The following ADGRL3 variants were observed in gnomAD, a reference collection of about 807,000 sequenced individuals.
ADGRL3 encodes the protein adhesion G protein-coupled receptor L3, also known as calcium-independent alpha-latrotoxin receptor 3.
In ADGRL3, 62 loss-of-function variants were observed where a neutral mutation model predicts 153.5. The observed-to-expected ratio is 0.40, with a 90% CI of 0.33 to 0.50. The LOEUF is 0.50. ADGRL3 is among the 20% of genes least tolerant of loss of function. The pLI, the probability that ADGRL3 is intolerant of heterozygous loss-of-function variation, is 0.47. For synonymous variants in ADGRL3, 710 were observed against 672.5 expected, an observed-to-expected ratio of 1.06 and a Z score of -0.86; for missense variants, 1,641 against 1,859.4, an observed-to-expected ratio of 0.88 and a Z score of 2.16.
intron 1 of ADGRL3, among the ~76,000 whole-genome samples, chr4:61,210,871 C>T (rs1475470172): frequency 6.6e-6 from 1 of 151,936 alleles, no homozygotes; most frequent in African/African-American, 2.4e-5. Flanking sequence ...TTTAAATGTT[C>T]GGTTGATGTT....
At chr4:62,026,337 C>A (rs901309390) in intron 21 of ADGRL3, among the ~76,000 whole-genome samples, 12 of 152,026 alleles carry the variant, frequency 7.9e-5, no homozygotes, top group African/African-American at 2.7e-4. Flanking sequence ...AAGAGGAGAC[C>A]AATTCCAATC....
chr4:61,892,467 C>G (rs2098595698), intron 9 of ADGRL3, among the ~76,000 whole-genome samples, 189 bp from the exon 10 acceptor site: 1 of 152,076 alleles, frequency 6.6e-6, no homozygotes, highest in African/African-American at 2.4e-5. Context: ...TTTTGATACT[C>G]AAGTGGCATC....
At chr4:61,449,445 A>ATT (rs987206528) in intron 2 of ADGRL3, among the ~76,000 whole-genome samples, 1 of 147,972 alleles carries the variant, frequency 6.8e-6, no homozygotes, top group East Asian at 2.0e-4. Flanking sequence ...TATTTTTTCC[A>ATT]TTTTTTTTTT....
chr4:62,002,198 A>G (rs144967373), intron 21 of ADGRL3, among the ~76,000 whole-genome samples: 1,520 of 149,760 alleles, frequency 0.01, 34 homozygotes, highest in African/African-American at 0.036. Context: ...TCTTCAAAAG[A>G]GCCCATTACT....
At chr4:61,749,228 G>A (rs1253286754) in intron 8 of ADGRL3, among the ~76,000 whole-genome samples, 1 of 151,944 alleles carries the variant, frequency 6.6e-6, no homozygotes, top group African/African-American at 2.4e-5. Context: ...TGGAGAGGAT[G>A]TGGAGAAATA....
rs551559703 is a variant in ADGRL3, at chr4:61,722,816, T to TCATTTTTCTTA, written c.584-7805_584-7795dup. Among the ~76,000 whole-genome samples, 771 of 152,316 alleles carry TCATTTTTCTTA rather than the reference T, an allele frequency of 5.1e-3. 8 individuals carry two copies. The highest frequency in any genetic ancestry group is 0.014 in the African/African-American group (601 of 41,584). ...GAGCTAATATCTCAATTATCTGGTTTCATTTTTCTTATTTATAAAATATCA... is the reference window on the plus strand; with the variant it reads ...GAGCTAATATCTCAATTATCTGGTTTCATTTTTCTTACATTTTTCTTATTTATAAAATATCA... On this transcript the variant is annotated intron_variant, in intron 6 of 26. Transcript: ENST00000683033.
rs1044738104 is a variant in ADGRL3, at chr4:61,200,441, G to C, written c.-1564G>C. Among the ~76,000 whole-genome samples, 10 of 151,734 alleles carry C rather than the reference G, an allele frequency of 6.6e-5. No homozygotes were observed. Among genetic ancestry groups the C allele is most frequent in the Non-Finnish European group, 1.5e-4 (10 of 67,902 alleles). ...CGTCGCCCCCCTCGCCTGCTGGCCC[G>C]GCACCGCTCGCTCCAGTTCCCAGGA... On this transcript the variant is annotated 5_prime_UTR_variant, in exon 1 of 27. Transcript: ENST00000683033.
chr4:61,826,118 G>A (rs549681647), intron 9 of ADGRL3, among the ~76,000 whole-genome samples: 1 of 141,526 alleles, frequency 7.1e-6, no homozygotes, highest in African/African-American at 2.4e-5. Context: ...TGGGAGATTT[G>A]GACAATAAAA....
At chr4:61,654,087 T>C (rs1004913272) in intron 5 of ADGRL3, among the ~76,000 whole-genome samples, 1 of 152,196 alleles carries the variant, frequency 6.6e-6, no homozygotes, top group Non-Finnish European at 1.5e-5. Context: ...GCAACATACA[T>C]GGGAAAAGTA....
intron 5 of ADGRL3, among the ~76,000 whole-genome samples, chr4:61,609,093 C>T (rs2099043611): frequency 6.6e-6 from 1 of 151,994 alleles, no homozygotes. Flanking sequence ...AACTGTGAAG[C>T]TATTAACTGT....
chr4:61,529,630 G>A (rs1211246819), intron 4 of ADGRL3, among the ~76,000 whole-genome samples: 1 of 152,032 alleles, frequency 6.6e-6, no homozygotes, highest in African/African-American at 2.4e-5. Context: ...TGCTAAATTT[G>A]AAATTATTTG....
intron 15 of ADGRL3, among the ~76,000 whole-genome samples, chr4:61,945,917 C>T (rs935142967): frequency 6.6e-6 from 1 of 152,196 alleles, no homozygotes; most frequent in Non-Finnish European, 1.5e-5. Context: ...ACGCTGGGAG[C>T]TGTAGACTGG....
intron 7 of ADGRL3, 72 bp from the exon 8 acceptor site, chr4:61,732,682 T>C: frequency 1.2e-6 from 1 of 815,402 alleles, no homozygotes; most frequent in Non-Finnish European, 1.7e-6. Flanking sequence ...TTCCATTTGG[T>C]GAAAAATAAG....
chr4:61,403,977 C>T (rs1477784161), intron 2 of ADGRL3, among the ~76,000 whole-genome samples: 2 of 151,962 alleles, frequency 1.3e-5, no homozygotes, highest in Non-Finnish European at 2.9e-5. Context: ...TTAATTGCTT[C>T]CTTAGAGGCT....
chr4:61,945,821 C>T (rs1289530509), intron 15 of ADGRL3, among the ~76,000 whole-genome samples: 1 of 151,968 alleles, frequency 6.6e-6, no homozygotes. Flanking sequence ...ACACACTGGC[C>T]TGCGCCCACT....
At chr4:61,276,743 G>T (rs942631602) in intron 1 of ADGRL3, among the ~76,000 whole-genome samples, 90 of 151,972 alleles carry the variant, frequency 5.9e-4, no homozygotes, top group African/African-American at 2.0e-3. Flanking sequence ...CTGAAATTTA[G>T]AAAGAAAGCC....
At chr4:61,905,285 A>G (rs2098689954) in intron 11 of ADGRL3, among the ~76,000 whole-genome samples, 1 of 152,182 alleles carries the variant, frequency 6.6e-6, no homozygotes, top group South Asian at 2.1e-4. Flanking sequence ...TCACTAAATT[A>G]ACTAATGAAT....
At chr4:61,856,973 T>C (rs892733858) in intron 9 of ADGRL3, among the ~76,000 whole-genome samples, 2 of 118,562 alleles carry the variant, frequency 1.7e-5, no homozygotes, top group Admixed American at 1.8e-4. Context: ...TCTTTCTTTC[T>C]TTCTTTCTTT....
intron 1 of ADGRL3, among the ~76,000 whole-genome samples, chr4:61,234,792 AG>A (rs1344114512): frequency 1.3e-5 from 2 of 152,142 alleles, no homozygotes; most frequent in Non-Finnish European, 2.9e-5. Flanking sequence ...TGACCGAATG[AG>A]GGGTAGTAGT....
Sources: gnomAD v4.1 joint callset for allele counts (sites outside exome capture counted in the v4.1 genomes callset) on GRCh38, gnomAD v4.1.1 for gene constraint, MANE v1.5 for transcripts, NCBI Gene and HGNC (gene_info 2026-07-23, HGNC 2026-07-21) for gene names.